Variants in MUC13 observed in about 807,000 individuals in gnomAD.
MUC13 encodes mucin-13.
In MUC13, 32 loss-of-function variants were observed where a neutral mutation model predicts 48.3. The ratio of observed to expected loss-of-function variants is 0.66; its 90% CI spans 0.50 to 0.89. The LOEUF (loss-of-function observed/expected upper bound fraction) is 0.89, where lower values mean the gene tolerates loss of function less well. MUC13 is among the 40% of genes least tolerant of loss of function. The probability of loss-of-function intolerance (pLI) is 0.00; values close to 1 mark genes in which losing one functional copy is unlikely to be tolerated. For synonymous variants in MUC13, 199 were observed against 224.9 expected, an observed-to-expected ratio of 0.88 and a Z score of 1.03; for missense variants, 571 against 622.8, an observed-to-expected ratio of 0.92 and a Z score of 0.88.
At chr3:124,913,756 C>T in intron 6 of MUC13, 75 bp from the exon 7 acceptor site, 2 of 1,556,566 alleles carry the variant, frequency 1.3e-6, no homozygotes, top group Non-Finnish European at 1.8e-6. Flanking sequence ...AATTACCCCA[C>T]CCCATTGCTG....
intron 8 of MUC13, among the ~76,000 whole-genome samples, chr3:124,912,863 G>T (rs997757802): frequency 6.6e-6 from 1 of 151,462 alleles, no homozygotes; most frequent in East Asian, 1.9e-4. Context: ...TTGAACCTGG[G>T]GGGTGGAGGT....
intron 4 of MUC13, 102 bp downstream of exon 4, chr3:124,922,095 C>T (rs1241656949): frequency 8.2e-6 from 11 of 1,346,244 alleles, no homozygotes; most frequent in South Asian, 3.0e-5. Flanking sequence ...ACAACTGGTA[C>T]GATGGTACGA....
At chr3:124,927,009 G>A (rs1377726053) in intron 2 of MUC13, among the ~76,000 whole-genome samples, 2 of 152,186 alleles carry the variant, frequency 1.3e-5, no homozygotes, top group Non-Finnish European at 2.9e-5. Flanking sequence ...GTTATGCCTA[G>A]GATTGTTTGA....
chr3:124,918,956 G>A (rs913323437), intron 5 of MUC13, among the ~76,000 whole-genome samples: 6 of 152,058 alleles, frequency 3.9e-5, no homozygotes, highest in Non-Finnish European at 8.8e-5. Context: ...TCAAGACCAA[G>A]CTAGAAATCC....
chr3:124,920,960 C>T (rs1935584898), intron 4 of MUC13, among the ~76,000 whole-genome samples: 2 of 152,240 alleles, frequency 1.3e-5, no homozygotes, highest in Non-Finnish European at 2.9e-5. Flanking sequence ...GCCACAGATC[C>T]TATCCTAGCG....
Position 124,927,778 on chromosome 3 carries a change from T to C in MUC13, c.268A>G (p.Ile90Val), listed in dbSNP as rs1269596716. Reference protein sequence around the residue: ...STIPTPAPPIISTHSSSTIPI... With the variant: ...STIPTPAPPIVSTHSSSTIPI... ...ATTGTGGAGGAACTATGTGTACTAA[T>C]TATGGGGGGAGCAGGTGTAGGAATT... The change falls in exon 2 of 12, where the codon ATT becomes GTT. Residue 90 changes from isoleucine (I) to valine (V), a missense_variant. Transcript: ENST00000616727. 1.9e-6 allele frequency: 3 copies of C among 1,606,684 alleles called. No homozygotes were observed. Among genetic ancestry groups the C allele is most frequent in the Non-Finnish European group, 2.6e-6 (3 of 1,175,808 alleles).
At chr3:124,931,563 C>T (rs1654439282) in intron 1 of MUC13, among the ~76,000 whole-genome samples, 1 of 143,758 alleles carries the variant, frequency 7.0e-6, no homozygotes, top group Admixed American at 7.1e-5. Flanking sequence ...GCCTGGCCAA[C>T]ATGATGAAAC....
intron 1 of MUC13, among the ~76,000 whole-genome samples, chr3:124,933,588 A>G (rs1935832029): frequency 6.6e-6 from 1 of 152,172 alleles, no homozygotes. Flanking sequence ...TATTCTCCCT[A>G]ATAATCATTT....
Position 124,913,660 on chromosome 3 carries a change from T to C in MUC13, c.986A>G (p.Tyr329Cys), listed in dbSNP as rs1579363285. 1 of 1,614,212 alleles carries C rather than the reference T, an allele frequency of 6.2e-7. No individual in the cohort carries two copies. The change falls in exon 7 of 12, where the codon TAT becomes TGT. Residue 329 changes from tyrosine (Y) to cysteine (C), a missense_variant. Tyr to Cys is a radical substitution (Grantham distance 194). Coordinates refer to ENST00000616727, the MANE Select transcript of MUC13 (RefSeq NM_033049.4). ...GTCATCCGCAGTCTGGTTACAGCCATAATAATCACACCGAAGGGTCACTGA... is the reference window on the plus strand; with the variant it reads ...GTCATCCGCAGTCTGGTTACAGCCACAATAATCACACCGAAGGGTCACTGA... ...NYDLTLRCDYYGCNQTADDCL... is the reference protein window; with the variant it reads ...NYDLTLRCDYCGCNQTADDCL...
intron 9 of MUC13, 54 bp from the exon 10 acceptor site, chr3:124,910,553 C>T: frequency 6.2e-7 from 1 of 1,606,986 alleles, no homozygotes; most frequent in Non-Finnish European, 8.5e-7. Flanking sequence ...CCCCAACTGT[C>T]TACTGCACAG....
In MUC13 at chr3:124,927,817, G is replaced by A. The variant is rs1935722859; in HGVS notation, c.229C>T (p.His77Tyr). 1.9e-6 allele frequency: 3 copies of A among 1,614,048 alleles called. No homozygotes were observed. The highest frequency in any genetic ancestry group is 1.7e-6 in the Non-Finnish European group (2 of 1,180,010). Residue 77 changes from histidine (H) to tyrosine (Y), a missense_variant, in exon 2 of 12, where the codon CAT becomes TAT. Coordinates refer to ENST00000616727, the MANE Select transcript of MUC13 (RefSeq NM_033049.4). ...GGTGTAGGAATTGTGGAGGAACTAT[G>A]TGTACTAATTATGGGGGGAGCAGGT... is the stretch of plus-strand genomic sequence containing the variant. Reference protein sequence around the residue: ...TSPAPPIISTHSSSTIPTPAP... With the variant: ...TSPAPPIISTYSSSTIPTPAP...
intron 2 of MUC13, 28 bp downstream of exon 2, chr3:124,927,504 G>A (rs1177167864): frequency 1.9e-6 from 3 of 1,601,184 alleles, no homozygotes; most frequent in African/African-American, 2.7e-5. Flanking sequence ...CTCCATCCTT[G>A]GGGAGTCTTT....
At chr3:124,914,811 A>T (rs1935483509) in intron 6 of MUC13, among the ~76,000 whole-genome samples, 1 of 152,030 alleles carries the variant, frequency 6.6e-6, no homozygotes. Context: ...CTATAATCCC[A>T]GCTACTCGAG....
At chr3:124,913,519 A>T (rs1415148112) in intron 7 of MUC13, 43 bp downstream of exon 7, 1 of 1,611,966 alleles carries the variant, frequency 6.2e-7, no homozygotes, top group Non-Finnish European at 8.5e-7. Context: ...AAGAAGAGAA[A>T]GTGATGTTAT....
At chr3:124,912,349 C>T (rs967198514) in intron 8 of MUC13, 15 of 663,866 alleles carry the variant, frequency 2.3e-5, no homozygotes, top group African/African-American at 1.3e-4. Flanking sequence ...GAGGGGGGTA[C>T]GCAATCTCAT....
At chr3:124,923,776 G>A in intron 2 of MUC13, 127 bp from the exon 3 acceptor site, 4 of 883,394 alleles carry the variant, frequency 4.5e-6, no homozygotes, top group Non-Finnish European at 6.9e-6. Flanking sequence ...TTACTCCACA[G>A]CACACTTTTG....
intron 5 of MUC13, 148 bp from the exon 6 acceptor site, chr3:124,916,628 C>T (rs765169334): frequency 1.2e-4 from 97 of 776,566 alleles, no homozygotes; most frequent in Non-Finnish European, 1.9e-4. Context: ...AGGCCGGGGG[C>T]TGCAAAAAGA....
At position 124,927,787 on chromosome 3, in the gene MUC13, G is replaced by C. The variant is rs774563444; in HGVS notation, c.259C>G (p.Pro87Ala). Reference sequence around the variant, plus strand: ...GAACTATGTGTACTAATTATGGGGGGAGCAGGTGTAGGAATTGTGGAGGAA... The same window carrying C: ...GAACTATGTGTACTAATTATGGGGGCAGCAGGTGTAGGAATTGTGGAGGAA... ...HSSSTIPTPA[P>A]PIISTHSSST... The change falls in exon 2 of 12, where the codon CCC (proline) becomes GCC (alanine). Residue 87 changes from proline to alanine, a missense_variant. Coordinates refer to ENST00000616727, the MANE Select transcript of MUC13 (RefSeq NM_033049.4). 12 of 1,612,822 alleles carry C rather than the reference G, an allele frequency of 7.4e-6. No homozygotes were observed. The highest frequency in any genetic ancestry group is 8.5e-6 in the Non-Finnish European group (10 of 1,179,624).
At chr3:124,929,174 T>TTG (rs1935749432) in intron 1 of MUC13, among the ~76,000 whole-genome samples, 1 of 144,574 alleles carries the variant, frequency 6.9e-6, no homozygotes, top group Non-Finnish European at 1.5e-5. Context: ...CCCACTCTTT[T>TTG]ATTTTATTTT....
Sources: gnomAD v4.1 joint callset for allele counts (sites outside exome capture counted in the v4.1 genomes callset) on GRCh38, gnomAD v4.1.1 for gene constraint, MANE v1.5 for transcripts, NCBI Gene and HGNC (gene_info 2026-07-23, HGNC 2026-07-21) for gene names.